The following RNF8 variants were observed in gnomAD, a reference collection of about 807,000 sequenced individuals.
The protein encoded by RNF8 is E3 ubiquitin-protein ligase RNF8.
A neutral mutation model predicts 59.3 loss-of-function variants in RNF8; 8 were observed. The ratio of observed to expected loss-of-function variants is 0.13; its 90% CI spans 0.08 to 0.24. The LOEUF is 0.24. RNF8 is among the 10% of genes least tolerant of loss of function. The pLI, the probability that RNF8 is intolerant of heterozygous loss-of-function variation, is 1.00. For missense variants in RNF8, 406 were observed against 572.6 expected, an observed-to-expected ratio of 0.71 and a Z score of 2.97; for synonymous variants, 162 against 200.0, an observed-to-expected ratio of 0.81 and a Z score of 1.60.
intron 7 of RNF8, among the ~76,000 whole-genome samples, chr6:37,385,262 C>G (rs1770447785): frequency 6.6e-6 from 1 of 151,712 alleles, no homozygotes; most frequent in Non-Finnish European, 1.5e-5. Flanking sequence ...ATCCGCCCAC[C>G]TCTGCCTCCC....
rs773632332 is a variant in RNF8, at chr6:37,354,294, T to G, written c.111+19T>G. On this transcript the variant is annotated intron_variant, in intron 1 of 7. Transcript: ENST00000373479. ...GTGCGAGGTACGGGGGAAGGGGTCC[T>G]GTGGAGCGGAGGGCAGGGGCTGGAG... 1 of 1,534,346 alleles carries G rather than the reference T, an allele frequency of 6.5e-7. No individual in the cohort carries two copies. Among genetic ancestry groups the G allele is most frequent in the South Asian group, 1.2e-5 (1 of 82,642 alleles).
chr6:37,378,563 T>G (rs1478483494), intron 6 of RNF8, among the ~76,000 whole-genome samples: 1 of 133,746 alleles, frequency 7.5e-6, no homozygotes, highest in South Asian at 2.2e-4. Flanking sequence ...ATCGCACCAC[T>G]GCACTCCAGC....
chr6:37,387,349 C>A (rs1290956383), intron 7 of RNF8, among the ~76,000 whole-genome samples: 1 of 152,164 alleles, frequency 6.6e-6, no homozygotes, highest in Non-Finnish European at 1.5e-5. Flanking sequence ...TTACTTGCTT[C>A]CTTTCTTCTG....
At chr6:37,374,473 G>A (rs1446956761) in intron 4 of RNF8, 147 bp from the exon 5 acceptor site, 8 of 622,008 alleles carry the variant, frequency 1.3e-5, no homozygotes, top group Non-Finnish European at 2.3e-5. Context: ...TAGCCCAATG[G>A]AATAAAGGTA....
intron 5 of RNF8, 42 bp from the exon 6 acceptor site, chr6:37,376,884 T>C (rs1562093735): frequency 4.2e-6 from 6 of 1,435,764 alleles, no homozygotes; most frequent in Non-Finnish European, 5.9e-6. Flanking sequence ...TTTGCATTTT[T>C]GTTGGTTCTC....
intron 7 of RNF8, among the ~76,000 whole-genome samples, chr6:37,389,655 AGAG>A (rs766177426): frequency 4.9e-4 from 74 of 152,120 alleles, no homozygotes; most frequent in Middle Eastern, 3.4e-3. Flanking sequence ...TTAGTCTTTA[AGAG>A]GAGAAGTGTG....
intron 1 of RNF8, among the ~76,000 whole-genome samples, chr6:37,357,556 G>A (rs537877752): frequency 6.3e-4 from 96 of 152,302 alleles, no homozygotes; most frequent in African/African-American, 2.2e-3. Flanking sequence ...GAATATGGAC[G>A]ACAGATAAAT....
intron 7 of RNF8, among the ~76,000 whole-genome samples, chr6:37,390,457 T>C (rs996876498): frequency 5.9e-5 from 9 of 151,982 alleles, no homozygotes; most frequent in African/African-American, 2.2e-4. Context: ...AGGCTAGTGC[T>C]GGGGAGTGGA....
At position 37,360,614 on chromosome 6, in the gene RNF8, T is replaced by C. The variant is rs779600097; in HGVS notation, c.240+40T>C. On this transcript the variant is annotated intron_variant, in intron 2 of 7. Transcript: ENST00000373479. The surrounding 1 kb of genome is among the most constrained non-coding windows in gnomAD (Gnocchi z 4.2). ...AGAAGCCTAATGACTTTTATTTGTTTTTAAATTACTTTTTTTTTTTTTTGC... is the reference window on the plus strand; with the variant it reads ...AGAAGCCTAATGACTTTTATTTGTTCTTAAATTACTTTTTTTTTTTTTTGC... 1 of 1,548,362 alleles carries C rather than the reference T, an allele frequency of 6.5e-7. No individual in the cohort carries two copies.
intron 1 of RNF8, among the ~76,000 whole-genome samples, chr6:37,356,229 G>C (rs1769111515): frequency 1.3e-5 from 2 of 152,252 alleles, no homozygotes; most frequent in Admixed American, 1.3e-4. Context: ...TCAGGGACCT[G>C]TGTGTAGGAG....
At chr6:37,363,233 A>G (rs1316604665) in intron 2 of RNF8, among the ~76,000 whole-genome samples, 3 of 152,192 alleles carry the variant, frequency 2.0e-5, no homozygotes, top group African/African-American at 2.4e-5. Context: ...TCCTCCAGCA[A>G]CTAGAGCAGT....
chr6:37,392,311 G>GT lies in RNF8; in HGVS notation c.*1554dup. The GT allele has an allele frequency of 2.5e-6, 1 of 397,226 alleles. No homozygotes were observed. Among genetic ancestry groups the GT allele is most frequent in the Non-Finnish European group, 4.4e-6 (1 of 225,704 alleles). 24.6% of individuals were successfully genotyped at this position (397,226 alleles called of 1,614,324 possible). A position where few individuals can be genotyped will look rare whatever the true frequency, so the allele number is the denominator to read the frequency against. Reference sequence around the variant, plus strand: ...GTATATGTCAATTTTTATATGTTCTGTGTTTAGTTTACATATTGTAATTCA... The same window carrying GT: ...GTATATGTCAATTTTTATATGTTCTGTTGTTTAGTTTACATATTGTAATTCA... On this transcript the variant is annotated 3_prime_UTR_variant, in exon 8 of 8. Transcript: ENST00000373479.
At chr6:37,364,801 G>A (rs56947102) in intron 2 of RNF8, among the ~76,000 whole-genome samples, 4,740 of 152,040 alleles carry the variant, frequency 0.031, 196 homozygotes, top group East Asian at 0.09. Flanking sequence ...ATGGAGTTTC[G>A]CTCTTTTTGC....
Position 37,371,600 on chromosome 6 carries a change from A to G in RNF8, c.1038+26A>G, listed in dbSNP as rs764453333. 6.3e-6 allele frequency: 10 copies of G among 1,599,070 alleles called. No homozygotes were observed. The South Asian group carries it at 9.9e-5, about 16-fold the overall frequency. On this transcript the variant is annotated intron_variant, in intron 4 of 7. Coordinates refer to ENST00000373479, the MANE Select transcript of RNF8 (RefSeq NM_003958.4). ...GTAACTTTGCCATAGTACTAAGATT[A>G]TAGTGGGCTGTGGAGTGGGGAGCAA...
rs759453955 is a variant in RNF8 at position 37,368,746 on chromosome 6, G to C, written c.503G>C (p.Gly168Ala). ...LDELAGPGAE[G>A]PSNLKSKINK... The stretch of plus-strand genomic sequence containing the variant: ...GAATTAGCAGGTCCTGGAGCTGAAG[G>C]CCCCTCAAATTTGAAATCCAAAATA... Residue 168 changes from glycine (G) to alanine (A), a missense_variant, in exon 3 of 8, where the codon GGC becomes GCC. Transcript: ENST00000373479. 6.2e-7 allele frequency: 1 copy of C among 1,614,132 alleles called. No individual in the cohort carries two copies. Among genetic ancestry groups the C allele is most frequent in the East Asian group, 2.2e-5 (1 of 44,888 alleles).
intron 1 of RNF8, chr6:37,359,174 C>T (rs1270864984): frequency 4.5e-6 from 2 of 448,490 alleles, no homozygotes; most frequent in South Asian, 3.2e-5. Context: ...TCATTTCCTT[C>T]CTTCACAGGG....
intron 2 of RNF8, among the ~76,000 whole-genome samples, chr6:37,364,466 C>T (rs1425259757): frequency 1.3e-5 from 2 of 152,020 alleles, no homozygotes; most frequent in Admixed American, 6.6e-5. Flanking sequence ...GATTTGTGCA[C>T]GTTTATGTTT....
At position 37,368,637 on chromosome 6, in the gene RNF8, A is replaced by C; in HGVS notation, c.394A>C (p.Ile132Leu). ...AGTTACTGAAGAAGACTGGGAGACA[A>C]TATATCCTTGTCTTTCCCCAAAGAA... ...YEVTEEDWET[I>L]YPCLSPKNDQ... The change falls in exon 3 of 8, where the codon ATA becomes CTA. Residue 132 changes from isoleucine (I) to leucine (L), a missense_variant. Ile to Leu is a conservative substitution (Grantham distance 5). Transcript: ENST00000373479. 2 of 1,614,176 alleles carry C rather than the reference A, an allele frequency of 1.2e-6. No individual in the cohort carries two copies. Among genetic ancestry groups the C allele is most frequent in the Non-Finnish European group, 1.7e-6 (2 of 1,180,022 alleles).
In RNF8 at chr6:37,360,544, T is replaced by C; in HGVS notation, c.210T>C (p.Pro70=). The C allele has an allele frequency of 1.2e-6, 2 of 1,613,962 alleles. No individual in the cohort carries two copies. The highest frequency in any genetic ancestry group is 1.6e-4 in the Middle Eastern group (1 of 6,062). ...SRNHCVLKQN[P]EGQWTIMDNK... ...ACCACTGTGTTTTGAAGCAGAATCC[T>C]GAGGGCCAATGGACAATTATGGACA... The change falls in exon 2 of 8, where the codon CCT becomes CCC. Residue 70 remains proline (P), a synonymous_variant. Transcript: ENST00000373479. The surrounding 1 kb of genome is among the most constrained non-coding windows in gnomAD (Gnocchi z 4.2).
Sources: allele counts gnomAD v4.1 joint callset (sites outside exome capture counted in the v4.1 genomes callset), GRCh38; gene constraint gnomAD v4.1.1; non-coding constraint Gnocchi (gnomAD v3.1); transcripts MANE v1.5; gene names NCBI Gene and HGNC (gene_info 2026-07-23, HGNC 2026-07-21).